Variants in STAG1 observed in about 807,000 individuals in gnomAD.
The protein encoded by STAG1 is cohesin subunit SA-1.
A neutral mutation model predicts 170.9 loss-of-function variants in STAG1; 26 were observed. The ratio of observed to expected loss-of-function variants is 0.15; its 90% confidence interval spans 0.11 to 0.21. The LOEUF is 0.21. Among genes scored for constraint, STAG1 ranks in the 10% least tolerant of loss-of-function variants. The pLI is 1.00. For missense variants in STAG1, 964 were observed against 1,509.5 expected (o/e 0.64, Z 5.99); for synonymous variants, 514 against 497.7 (o/e 1.03, Z -0.44).
At chr3:136,569,788 C>T (rs1937203657) in intron 4 of STAG1, among the ~76,000 whole-genome samples, 2 of 151,696 alleles carry the variant, frequency 1.3e-5, no homozygotes, top group Non-Finnish European at 2.9e-5. Flanking sequence ...ACGAAAAATA[C>T]CTAAGAATAA....
At chr3:136,516,352 A>C (rs1421586534) in intron 7 of STAG1, among the ~76,000 whole-genome samples, 1 of 151,920 alleles carries the variant, frequency 6.6e-6, no homozygotes, top group African/African-American at 2.4e-5. Flanking sequence ...CAAAAACTAC[A>C]AAAAAATTAG....
At chr3:136,538,476 T>C (rs1935749642) in intron 6 of STAG1, among the ~76,000 whole-genome samples, 1 of 151,656 alleles carries the variant, frequency 6.6e-6, no homozygotes, top group Non-Finnish European at 1.5e-5. Context: ...TGGAATGCAG[T>C]GGTGGGATCT....
chr3:136,702,466 A>C (rs1173849502), intron 1 of STAG1, among the ~76,000 whole-genome samples: 1 of 152,040 alleles, frequency 6.6e-6, no homozygotes. Flanking sequence ...GGCTCACCGC[A>C]ACCTCCGCCT....
intron 1 of STAG1, among the ~76,000 whole-genome samples, chr3:136,639,895 A>G (rs1354827434): frequency 6.6e-6 from 1 of 152,170 alleles, no homozygotes; most frequent in Non-Finnish European, 1.5e-5. Flanking sequence ...TGTGTGAAAA[A>G]GTATACATGT....
At chr3:136,691,564 T>C (rs1291133749) in intron 1 of STAG1, among the ~76,000 whole-genome samples, 2 of 152,154 alleles carry the variant, frequency 1.3e-5, no homozygotes, top group South Asian at 4.1e-4. Flanking sequence ...AAGTTTGGTG[T>C]CCAGTAGTAG....
intron 21 of STAG1, among the ~76,000 whole-genome samples, chr3:136,407,022 T>C (rs1429476575): frequency 6.6e-6 from 1 of 152,174 alleles, no homozygotes; most frequent in Non-Finnish European, 1.5e-5. Flanking sequence ...ATATTCTCTT[T>C]TTGCAATCTC....
intron 21 of STAG1, among the ~76,000 whole-genome samples, chr3:136,414,162 A>G (rs777808205): frequency 6.6e-6 from 1 of 152,082 alleles, no homozygotes; most frequent in Non-Finnish European, 1.5e-5. Flanking sequence ...GCAATTTCTC[A>G]AGATGACAGT....
rs183073492 is a variant in STAG1 at position 136,513,722 on chromosome 3, C to G, written c.676+7491G>C. Reference sequence around the variant, plus strand: ...GAAGCTACAACATGTTTTTCAGGCACGTAAAGTCTCAAATACATATTTCCC... The same window carrying G: ...GAAGCTACAACATGTTTTTCAGGCAGGTAAAGTCTCAAATACATATTTCCC... On this transcript the variant is annotated intron_variant, in intron 7 of 33. Coordinates refer to ENST00000383202, the MANE Select transcript of STAG1 (RefSeq NM_005862.3). Among the ~76,000 whole-genome samples, 62 of 152,100 alleles carry G rather than the reference C, an allele frequency of 4.1e-4. No individual in the cohort carries two copies. The East Asian group carries it at 9.3e-3, about 23-fold the overall frequency.
intron 5 of STAG1, among the ~76,000 whole-genome samples, chr3:136,561,820 T>TTG (rs1359640239): frequency 1.3e-5 from 2 of 150,264 alleles, no homozygotes; most frequent in African/African-American, 4.9e-5. Context: ...TTAAAACATT[T>TTG]TTTTTTTTTT....
chr3:136,654,426 T>G (rs542360496), intron 1 of STAG1, among the ~76,000 whole-genome samples: 32 of 152,284 alleles, frequency 2.1e-4, no homozygotes, highest in African/African-American at 7.5e-4. Flanking sequence ...AATGAATAAC[T>G]TAACCAACAA....
intron 1 of STAG1, among the ~76,000 whole-genome samples, chr3:136,637,299 C>A (rs957480782): frequency 6.6e-6 from 1 of 152,098 alleles, no homozygotes; most frequent in Non-Finnish European, 1.5e-5. Context: ...CACAGCAATT[C>A]ACACGAAAAG....
intron 3 of STAG1, chr3:136,609,692 T>A (rs1053064033): frequency 5.8e-6 from 1 of 172,540 alleles, no homozygotes; most frequent in African/African-American, 2.4e-5. Context: ...AATGCAAGTT[T>A]TTTAGTAGAT....
intron 6 of STAG1, among the ~76,000 whole-genome samples, chr3:136,538,835 G>A (rs2107721601): frequency 6.6e-6 from 1 of 151,322 alleles, no homozygotes; most frequent in Middle Eastern, 3.4e-3. Flanking sequence ...TAGGATTATA[G>A]TTTAAAAAAT....
At chr3:136,693,208 G>A (rs1370215600) in intron 1 of STAG1, among the ~76,000 whole-genome samples, 2 of 152,164 alleles carry the variant, frequency 1.3e-5, no homozygotes, top group East Asian at 1.9e-4. Flanking sequence ...AAAGTAATGG[G>A]CTGGGACAGA....
At chr3:136,468,419 C>T (rs902121215) in intron 12 of STAG1, among the ~76,000 whole-genome samples, 1 of 152,058 alleles carries the variant, frequency 6.6e-6, no homozygotes, top group African/African-American at 2.4e-5. Flanking sequence ...GAAATGGATA[C>T]ATTCCTGGAC....
intron 9 of STAG1, 162 bp downstream of exon 9, chr3:136,500,061 A>C: frequency 1.8e-6 from 1 of 549,988 alleles, no homozygotes; most frequent in South Asian, 2.0e-5. Context: ...GCAGTCATAC[A>C]ATTTCTTCTA....
At chr3:136,743,205 A>G (rs576873297) in intron 1 of STAG1, among the ~76,000 whole-genome samples, 75 of 152,162 alleles carry the variant, frequency 4.9e-4, no homozygotes, top group Non-Finnish European at 3.2e-4. Flanking sequence ...TGTCTCTACT[A>G]AAAATACAAA....
chr3:136,490,513 T>G (rs1210953658), intron 9 of STAG1, among the ~76,000 whole-genome samples: 1 of 152,130 alleles, frequency 6.6e-6, no homozygotes, highest in Non-Finnish European at 1.5e-5. Context: ...CGCCTTAATA[T>G]TTTACTATTA....
At chr3:136,575,196 T>C (rs753891300) in intron 4 of STAG1, among the ~76,000 whole-genome samples, 3 of 152,186 alleles carry the variant, frequency 2.0e-5, no homozygotes, top group Non-Finnish European at 2.9e-5. Context: ...TTTAAATCAA[T>C]GACCTAAGAA....
Sources: allele counts gnomAD v4.1 joint callset (sites outside exome capture counted in the v4.1 genomes callset), GRCh38; gene constraint gnomAD v4.1.1; transcripts MANE v1.5; gene names NCBI Gene and HGNC (gene_info 2026-07-23, HGNC 2026-07-21).